Variants in STXBP5L observed in about 807,000 individuals in gnomAD.
STXBP5L encodes syntaxin-binding protein 5-like.
A neutral mutation model predicts 144.5 loss-of-function variants in STXBP5L; 65 were observed. The observed-to-expected ratio is 0.45, with a 90% confidence interval of 0.37 to 0.55. STXBP5L has a LOEUF of 0.55. Among genes scored for constraint, STXBP5L ranks in the 20% least tolerant of loss-of-function variants. The pLI is 0.00. For synonymous variants in STXBP5L, 505 were observed against 469.6 expected (o/e 1.08, Z -0.97); for missense variants, 1,298 against 1,405.5 (o/e 0.92, Z 1.22).
intron 3 of STXBP5L, among the ~76,000 whole-genome samples, chr3:121,019,236 T>C (rs186401696): frequency 1.2e-3 from 180 of 151,504 alleles, no homozygotes; most frequent in African/African-American, 4.3e-3. Context: ...CCAAGGAGAG[T>C]CTGAGCTCAG....
At chr3:121,130,190 G>A (rs1468782830) in intron 7 of STXBP5L, among the ~76,000 whole-genome samples, 1 of 152,006 alleles carries the variant, frequency 6.6e-6, no homozygotes, top group African/African-American at 2.4e-5. Context: ...AAAACTTAAT[G>A]CACCTGGTAG....
chr3:121,004,691 C>G (rs1944113733), intron 3 of STXBP5L, among the ~76,000 whole-genome samples: 1 of 152,214 alleles, frequency 6.6e-6, no homozygotes, highest in Admixed American at 6.5e-5. Context: ...GTGGGTTTGT[C>G]ATAGATAGCT....
chr3:120,974,131 T>A (rs1437356773), intron 3 of STXBP5L, among the ~76,000 whole-genome samples: 1 of 152,182 alleles, frequency 6.6e-6, no homozygotes, highest in Non-Finnish European at 1.5e-5. Flanking sequence ...ACTTCCACAA[T>A]GGTTGAACTA....
intron 9 of STXBP5L, among the ~76,000 whole-genome samples, chr3:121,169,719 A>G (rs998082233): frequency 1.5e-4 from 23 of 152,246 alleles, no homozygotes; most frequent in Admixed American, 2.0e-4. Context: ...GACCTACAAT[A>G]AGACTTAGGC....
chr3:121,309,019 A>G (rs2043432666), intron 19 of STXBP5L, among the ~76,000 whole-genome samples: 1 of 152,092 alleles, frequency 6.6e-6, no homozygotes, highest in South Asian at 2.1e-4. Flanking sequence ...ATGGTGAAAG[A>G]TTAATCAAAG....
chr3:121,137,023 C>A (rs911699380), intron 7 of STXBP5L, among the ~76,000 whole-genome samples: 4 of 152,052 alleles, frequency 2.6e-5, no homozygotes, highest in African/African-American at 9.7e-5. Context: ...GGGAGCTAAA[C>A]GTTGTGTACA....
intron 3 of STXBP5L, among the ~76,000 whole-genome samples, chr3:120,996,359 A>C (rs1226354465): frequency 6.6e-6 from 1 of 152,014 alleles, no homozygotes; most frequent in South Asian, 2.1e-4. Flanking sequence ...TATAATGTAT[A>C]TTTAAGGTAT....
chr3:121,237,679 G>A (rs1399059102), intron 12 of STXBP5L, among the ~76,000 whole-genome samples: 1 of 152,160 alleles, frequency 6.6e-6, no homozygotes, highest in Non-Finnish European at 1.5e-5. Flanking sequence ...TCCTTTAGGT[G>A]ATTCCATTGT....
At chr3:120,929,981 T>C (rs986808578) in intron 2 of STXBP5L, among the ~76,000 whole-genome samples, 5 of 151,834 alleles carry the variant, frequency 3.3e-5, no homozygotes, top group African/African-American at 7.2e-5. Flanking sequence ...TATATTAAAT[T>C]GATCAATCTT....
intron 22 of STXBP5L, among the ~76,000 whole-genome samples, chr3:121,383,582 G>A (rs767203054): frequency 6.6e-6 from 1 of 151,982 alleles, no homozygotes; most frequent in Non-Finnish European, 1.5e-5. Flanking sequence ...GTATATAAAG[G>A]AGAAAGCCAT....
chr3:120,967,357 C>G (rs1229498056), intron 3 of STXBP5L, among the ~76,000 whole-genome samples: 1 of 152,118 alleles, frequency 6.6e-6, no homozygotes, highest in Admixed American at 6.6e-5. Context: ...GTTGGAAATG[C>G]AGAAATCACC....
intron 5 of STXBP5L, among the ~76,000 whole-genome samples, chr3:121,095,280 C>T (rs186386836): frequency 9.2e-5 from 14 of 152,176 alleles, no homozygotes; most frequent in African/African-American, 1.7e-4. Flanking sequence ...TTGCTCTTCT[C>T]GAGGAGTATC....
intron 10 of STXBP5L, among the ~76,000 whole-genome samples, chr3:121,210,053 G>C (rs1394392847): frequency 1.3e-5 from 2 of 152,186 alleles, no homozygotes; most frequent in Non-Finnish European, 2.9e-5. Flanking sequence ...CCCACCAACA[G>C]TGTAAAAGTG....
At chr3:121,248,066 C>CT (rs985599908) in intron 14 of STXBP5L, among the ~76,000 whole-genome samples, 23 of 150,978 alleles carry the variant, frequency 1.5e-4, no homozygotes, top group South Asian at 1.0e-3. Context: ...TTTTTTTCTT[C>CT]TTTTTTTTGA....
chr3:121,063,401 A>T (rs552446981), intron 5 of STXBP5L, among the ~76,000 whole-genome samples: 1 of 152,234 alleles, frequency 6.6e-6, no homozygotes, highest in South Asian at 2.1e-4. Context: ...GCCATATGTC[A>T]GCTGGAGCTC....
At chr3:121,356,777 A>G (rs1002168440) in intron 20 of STXBP5L, among the ~76,000 whole-genome samples, 1 of 152,128 alleles carries the variant, frequency 6.6e-6, no homozygotes, top group African/African-American at 2.4e-5. Flanking sequence ...TGTATCAATC[A>G]CGCTGGAAGC....
At chr3:121,262,145 T>C (rs1387162735) in intron 18 of STXBP5L, among the ~76,000 whole-genome samples, 1 of 152,152 alleles carries the variant, frequency 6.6e-6, no homozygotes, top group Non-Finnish European at 1.5e-5. Context: ...CAACTCTTAA[T>C]ACCATCACCT....
intron 20 of STXBP5L, among the ~76,000 whole-genome samples, chr3:121,369,442 T>C (rs903395654): frequency 3.3e-5 from 5 of 152,156 alleles, no homozygotes; most frequent in Non-Finnish European, 5.9e-5. Context: ...TTTGTTCTTC[T>C]TAGGTCACTG....
intron 10 of STXBP5L, among the ~76,000 whole-genome samples, chr3:121,220,522 TC>T (rs960921759): frequency 5.1e-4 from 77 of 152,174 alleles, no homozygotes; most frequent in African/African-American, 1.4e-3. Context: ...ATAAAAAGGA[TC>T]TGTAATCTAA....
Sources: allele counts gnomAD v4.1 joint callset (sites outside exome capture counted in the v4.1 genomes callset), GRCh38; gene constraint gnomAD v4.1.1; transcripts MANE v1.5; gene names NCBI Gene and HGNC (gene_info 2026-07-23, HGNC 2026-07-21).